Variants in JADE3 observed in about 807,000 individuals in gnomAD.
JADE3 encodes protein Jade-3.
A neutral mutation model predicts 50.1 loss-of-function variants in JADE3; 2 were observed. The observed-to-expected ratio is 0.04, with a 90% CI of 0.02 to 0.13. The LOEUF is 0.13. Ranked by LOEUF, JADE3 falls within the 10% of genes least tolerant of loss-of-function variation. The probability of loss-of-function intolerance (pLI) is 1.00; values close to 1 mark genes in which losing one functional copy is unlikely to be tolerated. For missense variants in JADE3, 475 were observed against 634.4 expected (o/e 0.75, Z 2.70); for synonymous variants, 218 against 232.9 (o/e 0.94, Z 0.58).
chrX:47,040,427 G>A (rs782281988), intron 8 of JADE3, among the ~76,000 whole-genome samples: 12 of 111,613 alleles, frequency 1.1e-4, no homozygotes, highest in Admixed American at 4.8e-4. Context: ...CTGCGCATGC[G>A]AGGGATCTAG....
chrX:46,917,179 A>C (rs1015695390), intron 1 of JADE3, among the ~76,000 whole-genome samples: 1 of 105,382 alleles, frequency 9.5e-6, no homozygotes, highest in Non-Finnish European at 2.0e-5. Flanking sequence ...ACAAAAATGC[A>C]ATGTATGGGG....
chrX:47,025,878 C>T (rs1201205021), intron 5 of JADE3, among the ~76,000 whole-genome samples: 1 of 111,698 alleles, frequency 9.0e-6, no homozygotes, highest in Non-Finnish European at 1.9e-5. Flanking sequence ...TTCTTCCCGC[C>T]CTCCCTTTTT....
chrX:46,982,028 A>G (rs1442874513), intron 1 of JADE3, among the ~76,000 whole-genome samples: 1 of 111,211 alleles, frequency 9.0e-6, no homozygotes, highest in Non-Finnish European at 1.9e-5. Flanking sequence ...AATGTTTTTC[A>G]GTAAATTTGG....
intron 4 of JADE3, among the ~76,000 whole-genome samples, chrX:47,021,446 CT>C (rs1928791014): frequency 9.0e-6 from 1 of 111,306 alleles, no homozygotes; most frequent in South Asian, 3.8e-4. Flanking sequence ...TCTGTGTACA[CT>C]TTTGCTAAGT....
At chrX:46,961,825 A>T (rs1451044704) in intron 1 of JADE3, among the ~76,000 whole-genome samples, 2 of 112,258 alleles carry the variant, frequency 1.8e-5, no homozygotes, top group Admixed American at 9.5e-5. Context: ...AGCTGAAATT[A>T]TGTATGCAGT....
chrX:46,998,398 A>T, intron 4 of JADE3, 121 bp downstream of exon 4: 1 of 606,147 alleles, frequency 1.6e-6, no homozygotes, highest in Non-Finnish European at 2.6e-6. Flanking sequence ...TACCATTTTC[A>T]CCAATTCACT....
At chrX:46,930,492 C>T (rs782568442) in intron 1 of JADE3, among the ~76,000 whole-genome samples, 8 of 112,153 alleles carry the variant, frequency 7.1e-5, no homozygotes, top group Admixed American at 1.9e-4. Flanking sequence ...AATTACATAG[C>T]AATAAATAAC....
chrX:47,055,048 G>A (rs896744241), intron 9 of JADE3, among the ~76,000 whole-genome samples: 4 of 110,345 alleles, frequency 3.6e-5, no homozygotes, highest in African/African-American at 1.3e-4. Context: ...GTTGTTAGGG[G>A]GCTGTCCTTT....
intron 1 of JADE3, among the ~76,000 whole-genome samples, chrX:46,968,443 G>A (rs1355971420): frequency 1.8e-5 from 2 of 111,036 alleles, no homozygotes; most frequent in Admixed American, 9.6e-5. Flanking sequence ...GCACAGTAGT[G>A]CACACCTGTA....
chrX:46,956,224 C>A (rs1337610548), intron 1 of JADE3, among the ~76,000 whole-genome samples: 1 of 111,636 alleles, frequency 9.0e-6, no homozygotes, highest in Non-Finnish European at 1.9e-5. Flanking sequence ...ACCACCACAC[C>A]TGGCTAATTT....
In JADE3 at chrX:47,060,949, T is replaced by C. The variant is rs1929765847; in HGVS notation, c.*1872T>C. ...ACATCAAAACAGTGCTTCAGCCAAA[T>C]TCCATATGTAATGCCATTGGGAGAG... On this transcript the variant is annotated 3_prime_UTR_variant, in exon 11 of 11. Transcript: ENST00000614628. 8.9e-6 allele frequency: 1 copy of C among 112,212 alleles called. No homozygotes were observed. 9.2% of individuals were successfully genotyped at this position (112,212 alleles called of 1,213,427 possible). A position where few individuals can be genotyped will look rare whatever the true frequency, so the allele number is the denominator to read the frequency against.
rs189422180 is a variant in JADE3 at position 46,935,855 on chromosome X, A to T, written c.-12+23136A>T. Among the ~76,000 whole-genome samples, 19 of 87,978 alleles carry T rather than the reference A, an allele frequency of 2.2e-4. No individual in the cohort carries two copies. The East Asian group carries it at 6.1e-3, about 28-fold the overall frequency. 76.4% of individuals were successfully genotyped at this position (87,978 alleles called of 115,157 possible). A position where few individuals can be genotyped will look rare whatever the true frequency, so the allele number is the denominator to read the frequency against. On this transcript the variant is annotated intron_variant, in intron 1 of 10. Coordinates refer to ENST00000614628, the MANE Select transcript of JADE3 (RefSeq NM_014735.5). ...TTTTTTTTTTTTTTTTTTTGAGGCA[A>T]GGTTTCTCTCTGTCACCCAGGCTGG...
intron 1 of JADE3, among the ~76,000 whole-genome samples, chrX:46,967,277 A>G (rs141085069): frequency 1.8e-5 from 2 of 112,138 alleles, no homozygotes; most frequent in African/African-American, 6.5e-5. Flanking sequence ...ACATTGAACA[A>G]TCAATCATGC....
chrX:47,047,917 G>C (rs142336744), intron 8 of JADE3, among the ~76,000 whole-genome samples: 170 of 111,840 alleles, frequency 1.5e-3, no homozygotes, highest in African/African-American at 5.3e-3. Context: ...GCCAAGGATA[G>C]AGGCACATAA....
At chrX:47,008,719 C>G (rs188323140) in intron 4 of JADE3, among the ~76,000 whole-genome samples, 60 of 111,174 alleles carry the variant, frequency 5.4e-4, no homozygotes, top group Non-Finnish European at 8.9e-4. Flanking sequence ...AAAGCAAGGA[C>G]TATCTGTAAT....
chrX:47,010,789 C>T (rs2050715076), intron 4 of JADE3, among the ~76,000 whole-genome samples: 1 of 111,017 alleles, frequency 9.0e-6, no homozygotes, highest in Non-Finnish European at 1.9e-5. Flanking sequence ...AAAATTTGGA[C>T]TTTTTCAGAC....
rs375399574 is a variant in JADE3, at chrX:47,028,649, C to T, written c.687+546C>T. ...TAACTCCTCAATTTTACACAAATACCGGGAGAGGTGAAGTGACTTTACCCA... is the reference window on the plus strand; with the variant it reads ...TAACTCCTCAATTTTACACAAATACTGGGAGAGGTGAAGTGACTTTACCCA... On this transcript the variant is annotated intron_variant, in intron 6 of 10. Transcript: ENST00000614628. 6.5e-4 allele frequency among the ~76,000 whole-genome samples: 72 copies of T among 111,353 alleles called. No individual in the cohort carries two copies. The South Asian group carries it at 0.023, about 36-fold the overall frequency.
At chrX:46,937,955 G>A (rs1926669797) in intron 1 of JADE3, among the ~76,000 whole-genome samples, 1 of 111,961 alleles carries the variant, frequency 8.9e-6, no homozygotes, top group Admixed American at 9.5e-5. Context: ...ACTCCATCCT[G>A]GGCGATGAGC....
chrX:47,002,708 A>G (rs1485598105), intron 4 of JADE3, among the ~76,000 whole-genome samples: 8 of 106,313 alleles, frequency 7.5e-5, no homozygotes, highest in Admixed American at 7.2e-4. Flanking sequence ...GAGGTTCCTT[A>G]GGATTTTCTG....
Sources: gnomAD v4.1 joint callset for allele counts (sites outside exome capture counted in the v4.1 genomes callset) on GRCh38, gnomAD v4.1.1 for gene constraint, MANE v1.5 for transcripts, NCBI Gene and HGNC (gene_info 2026-07-23, HGNC 2026-07-21) for gene names.